The following STAG1 variants were observed in gnomAD, a reference collection of about 807,000 sequenced individuals.
STAG1 encodes the protein cohesin subunit SA-1.
Under a neutral mutation model 170.9 loss-of-function variants are expected in STAG1, and 26 were observed. The observed-to-expected ratio is 0.15, with a 90% CI of 0.11 to 0.21. The LOEUF (loss-of-function observed/expected upper bound fraction) is 0.21, where lower values mean the gene tolerates loss of function less well. STAG1 is among the 10% of genes least tolerant of loss of function. STAG1 has a pLI of 1.00. For synonymous variants in STAG1, 514 were observed against 497.7 expected (o/e 1.03, Z -0.44); for missense variants, 964 against 1,509.5 (o/e 0.64, Z 5.99).
chr3:136,695,875 T>C (rs1267162746), intron 1 of STAG1, among the ~76,000 whole-genome samples: 1 of 99,914 alleles, frequency 1.0e-5, no homozygotes, highest in Non-Finnish European at 2.1e-5. Context: ...GGCGGGGGGA[T>C]GGGGAGGCCA....
chr3:136,610,293 C>G (rs184730050), intron 3 of STAG1, among the ~76,000 whole-genome samples: 11 of 152,258 alleles, frequency 7.2e-5, no homozygotes, highest in Admixed American at 4.6e-4. Context: ...CCTCAGCCTT[C>G]CAAAGTGCTG....
intron 1 of STAG1, among the ~76,000 whole-genome samples, chr3:136,703,005 T>C (rs1175850685): frequency 2.7e-5 from 4 of 148,898 alleles, no homozygotes; most frequent in African/African-American, 1.0e-4. Flanking sequence ...GAGGCACAGG[T>C]TGCAGTGAGC....
chr3:136,659,427 C>T (rs1331757944), intron 1 of STAG1, among the ~76,000 whole-genome samples: 1 of 152,180 alleles, frequency 6.6e-6, no homozygotes, highest in Non-Finnish European at 1.5e-5. Flanking sequence ...ACTCCATTAA[C>T]AGCCAATCAT....
intron 1 of STAG1, among the ~76,000 whole-genome samples, chr3:136,668,269 C>CATAATATATATTATACATGATAT (rs1559940129): frequency 2.1e-5 from 3 of 146,038 alleles, no homozygotes; most frequent in Admixed American, 7.0e-5. Flanking sequence ...ATATATTATA[C>CATAATATATATTATACATGATAT]ATAATATATA....
chr3:136,363,615 G>A (rs1936960399), intron 25 of STAG1, 148 bp from the exon 26 acceptor site: 2 of 456,214 alleles, frequency 4.4e-6, no homozygotes, highest in Non-Finnish European at 7.6e-6. Flanking sequence ...ATAAAAAAGT[G>A]TTTTATTTCT....
chr3:136,695,090 G>GT lies in STAG1; in HGVS notation c.-84+57104dup, dbSNP rs1310749370. Among the ~76,000 whole-genome samples, 5 of 152,288 alleles carry GT rather than the reference G, an allele frequency of 3.3e-5. No homozygotes were observed. In the South Asian group the frequency reaches 8.3e-4, roughly 25 times the overall value. ...CTAAGGTATATGTCCAATTTAGACT[G>GT]TTTTTTGGCCTTGGCCTTCTAATTT... On this transcript the variant is annotated intron_variant, in intron 1 of 33. Transcript: ENST00000383202.
intron 1 of STAG1, among the ~76,000 whole-genome samples, chr3:136,704,628 G>A (rs1285592996): frequency 1.3e-5 from 2 of 151,180 alleles, no homozygotes; most frequent in Non-Finnish European, 3.0e-5. Context: ...AGGGGTTCCA[G>A]ACCAACCTGG....
At position 136,520,211 on chromosome 3, in the gene STAG1, T is replaced by C. The variant is rs113629167; in HGVS notation, c.676+1002A>G. On this transcript the variant is annotated intron_variant, in intron 7 of 33. Transcript: ENST00000383202. ...AGTTCCCAAATCACCAGCATCAACA[T>C]TGCCTAGGAACTTCTTGCCCAGCCA... 5.2e-4 allele frequency among the ~76,000 whole-genome samples: 79 copies of C among 152,244 alleles called. 1 individual carries two copies. Among genetic ancestry groups the C allele is most frequent in the African/African-American group, 7.5e-4 (31 of 41,572 alleles).
chr3:136,493,094 C>A (rs191706692), intron 9 of STAG1, among the ~76,000 whole-genome samples: 18 of 152,270 alleles, frequency 1.2e-4, no homozygotes, highest in Non-Finnish European at 2.2e-4. Context: ...CTAATCACAG[C>A]ACTTTGGGAG....
chr3:136,414,188 A>C (rs1328987095), intron 21 of STAG1, among the ~76,000 whole-genome samples: 1 of 141,262 alleles, frequency 7.1e-6, no homozygotes, highest in African/African-American at 2.4e-5. Flanking sequence ...TTGCTGCATC[A>C]ATTGATTCTT....
chr3:136,722,698 G>A lies in STAG1; in HGVS notation c.-84+29497C>T, dbSNP rs543808115. On this transcript the variant is annotated intron_variant, in intron 1 of 33. Coordinates refer to ENST00000383202, the MANE Select transcript of STAG1 (RefSeq NM_005862.3). ...CTCTCCCCCCTTTCCCTCTCCCCAC[G>A]GTCTCCCTCTCCCTCTCTTTCCACG... is the stretch of plus-strand genomic sequence containing the variant. Among the ~76,000 whole-genome samples the A allele has an allele frequency of 1.8e-4, 20 of 110,860 alleles. No homozygotes were observed. In the East Asian group the frequency reaches 2.8e-3, roughly 15 times the overall value. 72.7% of individuals were successfully genotyped at this position (110,860 alleles called of 152,430 possible). A position where few individuals can be genotyped will look rare whatever the true frequency, so the allele number is the denominator to read the frequency against.
Position 136,702,109 on chromosome 3 carries a change from GAGAGAGAGAGAGACAGAGAGAC to G in STAG1, c.-84+50064_-84+50085del, listed in dbSNP as rs1401130137. On this transcript the variant is annotated intron_variant, in intron 1 of 33. Transcript: ENST00000383202. ...AGAGAGAGAGAGAGAGAGAGAGAGA[GAGAGAGAGAGAGACAGAGAGAC>G]AGAGAGACAGAGAGACAGAGAGACA... Among the ~76,000 whole-genome samples, 713 of 89,406 alleles carry G rather than the reference GAGAGAGAGAGAGACAGAGAGAC, an allele frequency of 8.0e-3. 3 individuals carry two copies. The highest frequency in any genetic ancestry group is 0.017 in the African/African-American group (337 of 19,834). The allele number at this position is 89,406 out of a possible 152,430, so 58.7% of individuals were successfully genotyped here.
chr3:136,534,589 C>T (rs1935534622), intron 6 of STAG1, among the ~76,000 whole-genome samples: 1 of 151,762 alleles, frequency 6.6e-6, no homozygotes, highest in South Asian at 2.1e-4. Flanking sequence ...GTGAGCAAAG[C>T]ACATGAATAG....
intron 28 of STAG1, among the ~76,000 whole-genome samples, chr3:136,353,062 A>G (rs1268417258): frequency 6.6e-6 from 1 of 152,220 alleles, no homozygotes; most frequent in Non-Finnish European, 1.5e-5. Context: ...AGTTGAAAGT[A>G]TAATCAAAAT....
chr3:136,614,919 T>C (rs1450471761), intron 3 of STAG1, among the ~76,000 whole-genome samples: 1 of 152,084 alleles, frequency 6.6e-6, no homozygotes, highest in Non-Finnish European at 1.5e-5. Context: ...AATGCAAAAA[T>C]TTTATACATA....
rs1445064589 is a variant in STAG1 at position 136,377,759 on chromosome 3, GAC to G, written c.2278-9_2278-8del. Reference sequence around the variant, plus strand: ...TCAATACCAACAAATCCTCCTGTAAGACACATTCAAATTTGCAAGCGTGAATT... The same window carrying G: ...TCAATACCAACAAATCCTCCTGTAAGACATTCAAATTTGCAAGCGTGAATT... On this transcript the variant is annotated splice_polypyrimidine_tract_variant and splice_region_variant and intron_variant, in intron 22 of 33. Coordinates refer to ENST00000383202, the MANE Select transcript of STAG1 (RefSeq NM_005862.3). 2 of 1,612,746 alleles carry G rather than the reference GAC, an allele frequency of 1.2e-6. No individual in the cohort carries two copies. Among genetic ancestry groups the G allele is most frequent in the South Asian group, 1.1e-5 (1 of 90,966 alleles).
chr3:136,476,008 T>C (rs76046815), intron 10 of STAG1, among the ~76,000 whole-genome samples: 1 of 152,210 alleles, frequency 6.6e-6, no homozygotes, highest in Admixed American at 6.5e-5. Flanking sequence ...ATAAGAGTTA[T>C]GATATGAAAA....
At chr3:136,673,188 T>C (rs1942030618) in intron 1 of STAG1, among the ~76,000 whole-genome samples, 1 of 152,202 alleles carries the variant, frequency 6.6e-6, no homozygotes. Context: ...GCAGCAAAGT[T>C]GAATTTGGGC....
intron 6 of STAG1, among the ~76,000 whole-genome samples, chr3:136,532,801 A>G (rs1935442934): frequency 6.6e-6 from 1 of 152,236 alleles, no homozygotes; most frequent in African/African-American, 2.4e-5. Context: ...ACAAACTCAC[A>G]GGTAACATCA....
Sources: gnomAD v4.1 joint callset for allele counts (sites outside exome capture counted in the v4.1 genomes callset) on GRCh38, gnomAD v4.1.1 for gene constraint, MANE v1.5 for transcripts, NCBI Gene and HGNC (gene_info 2026-07-23, HGNC 2026-07-21) for gene names.